STXBP2: variants seen among roughly 807,000 people sequenced by gnomAD.
STXBP2 encodes syntaxin binding protein 2, also known as syntaxin-binding protein 2.
A neutral mutation model predicts 72.2 loss-of-function variants in STXBP2; 47 were observed. The observed-to-expected ratio is 0.65, with a 90% CI of 0.51 to 0.83. The LOEUF (loss-of-function observed/expected upper bound fraction) is 0.83. Ranked by LOEUF, STXBP2 falls within the 40% of genes least tolerant of loss-of-function variation. The pLI, the probability that STXBP2 is intolerant of heterozygous loss-of-function variation, is 0.00. For synonymous variants in STXBP2, 367 were observed against 338.7 expected (o/e 1.08, Z -0.92); for missense variants, 702 against 807.6 (o/e 0.87, Z 1.58).
At chr19:7,639,182 A>G in intron 3 of STXBP2, 82 bp downstream of exon 3, 2 of 1,441,258 alleles carry the variant, frequency 1.4e-6, no homozygotes, top group Non-Finnish European at 1.9e-6. Context: ...TCAGCCCTTG[A>G]GTGTAGGATC....
chr19:7,647,503 T>C lies in STXBP2; in HGVS notation c.1688T>C (p.Val563Ala). The change falls in exon 18 of 19, where the codon GTG becomes GCG. Residue 563 changes from valine (V) to alanine (A), a missense_variant. Val to Ala is a moderately conservative substitution (Grantham distance 64). Transcript: ENST00000221283. ...AGGGCCACCGAGGGCAAGTGGGAGG[T>C]GCTCATTGGTAAGTCACCAGGACTG... ...VTRATEGKWE[V>A]LIGSSHILTP... 1 of 1,595,560 alleles carries C rather than the reference T, an allele frequency of 6.3e-7. No homozygotes were observed. The highest frequency in any genetic ancestry group is 8.5e-7 in the Non-Finnish European group (1 of 1,170,822).
Position 7,644,677 on chromosome 19 carries a change from C to A in STXBP2, c.1171C>A (p.Pro391Thr), listed in dbSNP as rs1724584377. 1 of 1,613,776 alleles carries A rather than the reference C, an allele frequency of 6.2e-7. No homozygotes were observed. Among genetic ancestry groups the A allele is most frequent in the Non-Finnish European group, 8.5e-7 (1 of 1,179,866 alleles). The change falls in exon 14 of 19, where the codon CCG (proline) becomes ACG (threonine). Residue 391 changes from proline (P) to threonine (T), a missense_variant. Pro to Thr is a conservative substitution (Grantham distance 38, BLOSUM62 -1). Transcript: ENST00000221283. ...KIKDSMKLIV[P>T]VLLDAAVPAY... ...CAAGGACTCCATGAAGCTGATCGTTCCGGTGCTGCTGGACGCGGCGGTGCC... is the reference window on the plus strand; with the variant it reads ...CAAGGACTCCATGAAGCTGATCGTTACGGTGCTGCTGGACGCGGCGGTGCC...
Position 7,647,661 on chromosome 19 carries a change from G to A in STXBP2, c.1697-64G>A, listed in dbSNP as rs929259858. The stretch of plus-strand genomic sequence containing the variant: ...GACAGCCCCACACCAGCCGGGACCG[G>A]GAGCCTGTCAAAGACGAAGGCAGCG... On this transcript the variant is annotated intron_variant, in intron 18 of 18. Transcript: ENST00000221283. 3 of 1,605,236 alleles carry A rather than the reference G, an allele frequency of 1.9e-6. No individual in the cohort carries two copies. In the African/African-American group the frequency reaches 4.0e-5, roughly 22 times the overall value.
At chr19:7,646,112 G>T (rs1296939929) in intron 15 of STXBP2, 137 bp from the exon 16 acceptor site, 10 of 672,570 alleles carry the variant, frequency 1.5e-5, no homozygotes, top group East Asian at 2.7e-5. Context: ...GCTGTCTCTC[G>T]CTCTCTCTCG....
intron 16 of STXBP2, chr19:7,646,598 T>C (rs1209723876): frequency 8.7e-6 from 5 of 571,934 alleles, no homozygotes; most frequent in Non-Finnish European, 1.6e-5. Flanking sequence ...CTCTCTAGTC[T>C]GTTCCCCTGT....
At chr19:7,638,609 AAAAAAAAAAAGT>A in intron 1 of STXBP2, 105 bp from the exon 2 acceptor site, 1 of 1,213,350 alleles carries the variant, frequency 8.2e-7, no homozygotes, top group Non-Finnish European at 1.2e-6. Context: ...TCTCTTAAAA[AAAAAAAAAAAGT>A]AAATGGGAAT....
chr19:7,643,422 G>A, intron 13 of STXBP2, 177 bp downstream of exon 13: 1 of 705,838 alleles, frequency 1.4e-6, no homozygotes, highest in Admixed American at 2.2e-5. Context: ...TGGAGAAACG[G>A]TCCTAGGATG....
upstream of STXBP2, among the ~76,000 whole-genome samples, chr19:7,635,313 C>T (rs963479776): frequency 2.6e-5 from 4 of 152,200 alleles, no homozygotes; most frequent in Non-Finnish European, 5.9e-5. Flanking sequence ...GGACACACAA[C>T]TCCAAAAATA....
chr19:7,632,584 C>A, upstream of STXBP2: 12 of 1,599,408 alleles, frequency 7.5e-6, no homozygotes, highest in Non-Finnish European at 1.0e-5. The surrounding 1 kb of genome is among the most constrained non-coding windows in gnomAD (Gnocchi z 5.2). Context: ...TACCCCTTCA[C>A]CCCCACACAG....
At chr19:7,646,728 G>C (rs1001075470) in intron 16 of STXBP2, 1 of 391,492 alleles carries the variant, frequency 2.6e-6, no homozygotes, top group Non-Finnish European at 4.7e-6. Flanking sequence ...TAAGAGCCCC[G>C]GCCCCTCTTT....
intron 4 of STXBP2, 119 bp downstream of exon 4, chr19:7,639,926 G>A (rs2031729350): frequency 6.6e-6 from 7 of 1,058,444 alleles, no homozygotes; most frequent in Non-Finnish European, 9.8e-6. Context: ...ATGTGTCCAT[G>A]TGTATGTGTG....
chr19:7,646,186 G>T, intron 15 of STXBP2, 63 bp from the exon 16 acceptor site: 1 of 1,430,752 alleles, frequency 7.0e-7, no homozygotes, highest in African/African-American at 1.4e-5. Context: ...ACCAGGCGCA[G>T]CCCCTCTGTG....
chr19:7,630,814 T>C, the STXBP2 span: 30 of 1,537,170 alleles, frequency 2.0e-5, no homozygotes, highest in Middle Eastern at 1.3e-3. Context: ...TTGTGACTTT[T>C]CCTTACAGAG....
At chr19:7,645,056 A>G (rs2032077793) in intron 14 of STXBP2, 141 bp from the exon 15 acceptor site, 1 of 1,465,916 alleles carries the variant, frequency 6.8e-7, no homozygotes, top group African/African-American at 1.4e-5. Context: ...TCTTGCTCAC[A>G]CTAGCACAGG....
At chr19:7,646,571 G>A (rs1032660659) in intron 16 of STXBP2, 15 of 616,346 alleles carry the variant, frequency 2.4e-5, no homozygotes, top group African/African-American at 9.1e-5. Context: ...CCCACCTGCC[G>A]GCTGCCTCCG....
chr19:7,642,063 A>G lies in STXBP2; in HGVS notation c.608A>G (p.His203Arg). The G allele has an allele frequency of 6.2e-7, 1 of 1,613,966 alleles. No homozygotes were observed. The highest frequency in any genetic ancestry group is 8.5e-7 in the Non-Finnish European group (1 of 1,179,968). The change falls in exon 8 of 19, where the codon CAC (histidine) becomes CGC (arginine). Residue 203 changes from histidine (H) to arginine (R), a missense_variant. Physicochemically the swap from His to Arg is conservative, Grantham distance 29 (BLOSUM62 0). Coordinates refer to ENST00000221283, the MANE Select transcript of STXBP2 (RefSeq NM_006949.4). The surrounding 1 kb of genome is among the most constrained non-coding windows in gnomAD (Gnocchi z 6.0). ...CCAGAGGACACAGCCCAGTTGGCCC[A>G]CGCCGTCCTGGCCAAGCTGAACGCC... ...KGPEDTAQLA[H>R]AVLAKLNAFK...
rs778792433 is a variant in STXBP2 at position 7,644,642 on chromosome 19, G to A, written c.1136G>A (p.Gly379Glu). 2.5e-5 allele frequency: 40 copies of A among 1,613,388 alleles called. No individual in the cohort carries two copies. Among genetic ancestry groups the A allele is most frequent in the South Asian group, 3.3e-5 (3 of 91,088 alleles). The change falls in exon 14 of 19, where the codon GGG becomes GAG. Residue 379 changes from glycine (G) to glutamate (E), a missense_variant. Gly to Glu is a moderately conservative substitution (Grantham distance 98, BLOSUM62 -2). Transcript: ENST00000221283. ...CTGGCCATGGGCTCCGACGCAGAGG[G>A]GGAGAAGATCAAGGACTCCATGAAG... ...QDLAMGSDAEGEKIKDSMKLI... is the reference protein window; with the variant it reads ...QDLAMGSDAEEEKIKDSMKLI...
Position 7,641,838 on chromosome 19 carries a change from C to T in STXBP2, c.563C>T (p.Ala188Val). ...TLCATLQEYP[A>V]IRYRKGPEDT... ...TGCGCCACCCTGCAGGAGTACCCGG[C>T]CATCCGCTACCGCAAGTGGGGACCC... is the stretch of plus-strand genomic sequence containing the variant. Residue 188 changes from alanine (A) to valine (V), a missense_variant, in exon 7 of 19, where the codon GCC (alanine) becomes GTC (valine). By Grantham distance (64) the Ala-to-Val change is moderately conservative (BLOSUM62 0). Transcript: ENST00000221283. 1 of 1,554,076 alleles carries T rather than the reference C, an allele frequency of 6.4e-7. No homozygotes were observed. Among genetic ancestry groups the T allele is most frequent in the Admixed American group, 1.9e-5 (1 of 51,438 alleles).
At chr19:7,647,702 C>T (rs1289304891) in intron 18 of STXBP2, 23 bp from the exon 19 acceptor site, 2 of 1,613,560 alleles carry the variant, frequency 1.2e-6, no homozygotes, top group East Asian at 2.2e-5. Context: ...CAACATCTTC[C>T]CCAAACCTCT....
Sources: gnomAD v4.1 joint callset for allele counts (sites outside exome capture counted in the v4.1 genomes callset) on GRCh38, gnomAD v4.1.1 for gene constraint, Gnocchi (gnomAD v3.1) non-coding constraint, MANE v1.5 for transcripts, NCBI Gene and HGNC (gene_info 2026-07-23, HGNC 2026-07-21) for gene names.